CCDC178: variants seen among roughly 807,000 people sequenced by gnomAD.
The protein encoded by CCDC178 is coiled-coil domain containing 178, also known as coiled-coil domain-containing protein 178.
In CCDC178, 126 loss-of-function variants were observed where a neutral mutation model predicts 117.4. The observed-to-expected ratio is 1.07, with a 90% CI of 0.93 to 1.24. The LOEUF is 1.24. CCDC178 is among the 50% of genes most tolerant of loss of function. CCDC178 has a pLI of 0.00. For synonymous variants in CCDC178, 283 were observed against 313.4 expected, an observed-to-expected ratio of 0.90 and a Z score of 1.02; for missense variants, 1,030 against 986.9, an observed-to-expected ratio of 1.04 and a Z score of -0.59.
At chr18:33,357,125 T>G (rs1302856152) in intron 6 of CCDC178, among the ~76,000 whole-genome samples, 1 of 152,186 alleles carries the variant, frequency 6.6e-6, no homozygotes, top group East Asian at 1.9e-4. Flanking sequence ...GTCCCACCTT[T>G]CCAGGCCTAA....
intron 6 of CCDC178, 99 bp downstream of exon 6, chr18:33,369,951 A>T: frequency 1.0e-6 from 1 of 982,550 alleles, no homozygotes; most frequent in Non-Finnish European, 1.4e-6. Flanking sequence ...TCCAATTATC[A>T]TTTAAAAAGT....
In CCDC178 at chr18:33,082,027, G is replaced by A. The variant is rs182024377; in HGVS notation, c.2388+10734C>T. Among the ~76,000 whole-genome samples the A allele has an allele frequency of 2.3e-3, 351 of 152,286 alleles. 3 individuals carry two copies. The highest frequency in any genetic ancestry group is 8.2e-3 in the African/African-American group (342 of 41,550). On this transcript the variant is annotated intron_variant, in intron 21 of 22. Transcript: ENST00000383096. Reference sequence around the variant, plus strand: ...TAACAAACTCTTAAAGGGTCAGACTGTACGAGTAAATTGCTTTACTTGAAG... The same window carrying A: ...TAACAAACTCTTAAAGGGTCAGACTATACGAGTAAATTGCTTTACTTGAAG...
intron 11 of CCDC178, among the ~76,000 whole-genome samples, chr18:33,316,384 A>G (rs2062417271): frequency 6.6e-6 from 1 of 151,948 alleles, no homozygotes; most frequent in Non-Finnish European, 1.5e-5. Context: ...GCTGCGCTCG[A>G]TTTCTCCCCG....
chr18:33,210,003 T>C (rs2059088726), intron 20 of CCDC178, among the ~76,000 whole-genome samples: 1 of 152,004 alleles, frequency 6.6e-6, no homozygotes, highest in African/African-American at 2.4e-5. Flanking sequence ...TGGTAAAGTA[T>C]CAGGAGTATC....
intron 2 of CCDC178, among the ~76,000 whole-genome samples, chr18:33,432,475 C>CCACA (rs1475290450): frequency 9.8e-6 from 1 of 101,574 alleles, no homozygotes; most frequent in African/African-American, 3.5e-5. Flanking sequence ...CATGCCTTCT[C>CCACA]CATACACACA....
chr18:33,294,679 C>G (rs1260463639), intron 11 of CCDC178, among the ~76,000 whole-genome samples: 4 of 152,148 alleles, frequency 2.6e-5, no homozygotes, highest in Non-Finnish European at 4.4e-5. Context: ...GTCCTAGAAG[C>G]CAGTTAGGCA....
At chr18:33,306,707 T>G (rs959249816) in intron 11 of CCDC178, among the ~76,000 whole-genome samples, 9 of 151,252 alleles carry the variant, frequency 6.0e-5, no homozygotes, top group Non-Finnish European at 1.0e-4. Context: ...CTCTTCAAAT[T>G]CATGTGGACT....
intron 21 of CCDC178, among the ~76,000 whole-genome samples, chr18:33,022,871 G>A (rs1441542058): frequency 6.6e-6 from 1 of 151,964 alleles, no homozygotes. Flanking sequence ...GATATATAGG[G>A]GGGCTGGAAG....
At position 33,351,083 on chromosome 18, in the gene CCDC178, CAT is replaced by C. The variant is rs2062970821; in HGVS notation, c.372-2110_372-2109del. Among the ~76,000 whole-genome samples the C allele has an allele frequency of 3.3e-5, 5 of 151,426 alleles. No homozygotes were observed. In the South Asian group the frequency reaches 1.0e-3, roughly 32 times the overall value. ...TTACTAAAGGTGTGGGCTTGTGTCA[CAT>C]GTTAACTAATTTTCGTATGCTAAAC... On this transcript the variant is annotated intron_variant, in intron 7 of 22. Coordinates refer to ENST00000383096, the MANE Select transcript of CCDC178 (RefSeq NM_001105528.4).
chr18:33,338,687 G>A (rs188184968), intron 9 of CCDC178, among the ~76,000 whole-genome samples: 2 of 152,190 alleles, frequency 1.3e-5, no homozygotes, highest in African/African-American at 2.4e-5. Context: ...ATAAGTGGGG[G>A]CTAAGATATG....
intron 18 of CCDC178, among the ~76,000 whole-genome samples, chr18:33,222,834 G>A (rs546027360): frequency 9.2e-5 from 14 of 151,666 alleles, no homozygotes; most frequent in African/African-American, 3.1e-4. Flanking sequence ...GTAGACTTCT[G>A]CATGAATCCA....
chr18:33,248,645 T>A (rs959082966), intron 14 of CCDC178, among the ~76,000 whole-genome samples: 6 of 152,068 alleles, frequency 3.9e-5, no homozygotes, highest in African/African-American at 1.2e-4. Context: ...ATGTGTCACA[T>A]TTTCTTAATT....
intron 21 of CCDC178, among the ~76,000 whole-genome samples, chr18:33,047,713 T>C (rs2056670268): frequency 1.3e-5 from 2 of 152,220 alleles, no homozygotes; most frequent in African/African-American, 4.8e-5. Context: ...GGACTCTAAA[T>C]GAACTCTTAG....
chr18:33,233,030 A>T (rs1295955653), intron 15 of CCDC178, among the ~76,000 whole-genome samples: 1 of 152,182 alleles, frequency 6.6e-6, no homozygotes, highest in Non-Finnish European at 1.5e-5. Flanking sequence ...TTTATTGAGT[A>T]TCTGTATAAG....
chr18:33,368,135 G>A (rs1256886732), intron 6 of CCDC178, among the ~76,000 whole-genome samples: 3 of 151,996 alleles, frequency 2.0e-5, no homozygotes, highest in Non-Finnish European at 2.9e-5. Flanking sequence ...CCTGTGTGAT[G>A]TGTACATATA....
chr18:33,345,738 A>G (rs1438645203), intron 9 of CCDC178, among the ~76,000 whole-genome samples: 1 of 152,226 alleles, frequency 6.6e-6, no homozygotes, highest in Non-Finnish European at 1.5e-5. Flanking sequence ...CATCAGGTCC[A>G]GGTTTGTCCA....
At chr18:33,368,428 C>A (rs2063247666) in intron 6 of CCDC178, among the ~76,000 whole-genome samples, 1 of 151,918 alleles carries the variant, frequency 6.6e-6, no homozygotes, top group Non-Finnish European at 1.5e-5. Context: ...GAAGTCAGCT[C>A]TGGTGCTTCT....
At chr18:33,225,539 C>T (rs1411761523) in intron 16 of CCDC178, among the ~76,000 whole-genome samples, 2 of 152,112 alleles carry the variant, frequency 1.3e-5, no homozygotes, top group Non-Finnish European at 2.9e-5. Flanking sequence ...AAAAATCAAA[C>T]ATTTAAAAAA....
rs564896044 is a variant in CCDC178, at chr18:33,210,794, A to G, written c.2238+1102T>C. Among the ~76,000 whole-genome samples the G allele has an allele frequency of 3.3e-5, 5 of 152,176 alleles. No homozygotes were observed. In the East Asian group the frequency reaches 9.7e-4, roughly 29 times the overall value. On this transcript the variant is annotated intron_variant, in intron 20 of 22. Coordinates refer to ENST00000383096, the MANE Select transcript of CCDC178 (RefSeq NM_001105528.4). ...CACGTATTGCCACTAGATGGCACCA[A>G]TTATTTTCATATTTTTAGGTCAAGA... is the stretch of plus-strand genomic sequence containing the variant.
Sources: allele counts gnomAD v4.1 joint callset (sites outside exome capture counted in the v4.1 genomes callset), GRCh38; gene constraint gnomAD v4.1.1; transcripts MANE v1.5; gene names NCBI Gene and HGNC (gene_info 2026-07-23, HGNC 2026-07-21).